Variants in ROR1 observed in about 807,000 individuals in gnomAD.
ROR1 encodes ROR family WNT receptor 1, also known as inactive tyrosine-protein kinase transmembrane receptor ROR1.
Under a neutral mutation model 78.8 loss-of-function variants are expected in ROR1, and 19 were observed. The ratio of observed to expected loss-of-function variants is 0.24; its 90% CI spans 0.17 to 0.35. ROR1 has a LOEUF of 0.35. ROR1 is among the 10% of genes least tolerant of loss of function. The pLI is 1.00. For synonymous variants in ROR1, 386 were observed against 433.6 expected, an observed-to-expected ratio of 0.89 and a Z score of 1.36; for missense variants, 917 against 1,177.8, an observed-to-expected ratio of 0.78 and a Z score of 3.24.
intron 2 of ROR1, among the ~76,000 whole-genome samples, chr1:64,016,449 A>G (rs1646521264): frequency 6.6e-6 from 1 of 152,058 alleles, no homozygotes; most frequent in African/African-American, 2.4e-5. Flanking sequence ...ATAGTACCTG[A>G]TCCCTTTTAA....
At chr1:64,152,317 G>A (rs1208032321) in intron 7 of ROR1, among the ~76,000 whole-genome samples, 1 of 152,068 alleles carries the variant, frequency 6.6e-6, no homozygotes, top group East Asian at 1.9e-4. Context: ...TCTCCTCTAG[G>A]TGTTTCCTAG....
chr1:63,986,740 T>A (rs1557596307), intron 1 of ROR1, among the ~76,000 whole-genome samples: 1 of 151,840 alleles, frequency 6.6e-6, no homozygotes, highest in Non-Finnish European at 1.5e-5. Flanking sequence ...CAGAAAATTT[T>A]TTTTTAATTA....
At chr1:64,028,163 T>G (rs949997634) in intron 2 of ROR1, among the ~76,000 whole-genome samples, 1 of 152,250 alleles carries the variant, frequency 6.6e-6, no homozygotes, top group African/African-American at 2.4e-5. Context: ...TTTCAGCATC[T>G]TCCTGTTTCT....
At chr1:63,951,047 C>T (rs1328482538) in intron 1 of ROR1, among the ~76,000 whole-genome samples, 2 of 152,130 alleles carry the variant, frequency 1.3e-5, no homozygotes, top group African/African-American at 4.8e-5. Flanking sequence ...ACTTTTCATC[C>T]TTTAGGAGCA....
At chr1:63,964,868 C>T (rs1032879664) in intron 1 of ROR1, among the ~76,000 whole-genome samples, 1 of 152,198 alleles carries the variant, frequency 6.6e-6, no homozygotes, top group Non-Finnish European at 1.5e-5. Flanking sequence ...CCTGAAGCTT[C>T]AGCAACTTTT....
chr1:64,141,906 C>T (rs1230510452), intron 6 of ROR1, among the ~76,000 whole-genome samples: 1 of 152,192 alleles, frequency 6.6e-6, no homozygotes, highest in South Asian at 2.1e-4. Context: ...TCAAGGGTGC[C>T]GACCCCATCA....
intron 1 of ROR1, among the ~76,000 whole-genome samples, chr1:63,829,261 A>G (rs906815390): frequency 6.6e-6 from 1 of 152,224 alleles, no homozygotes; most frequent in South Asian, 2.1e-4. Context: ...AAGCTCTTTT[A>G]TGCTATGTGT....
intron 1 of ROR1, among the ~76,000 whole-genome samples, chr1:63,840,367 C>T (rs1178845825): frequency 6.6e-6 from 1 of 151,064 alleles, no homozygotes; most frequent in African/African-American, 2.4e-5. Context: ...GCAACCTCTG[C>T]CTCCGGGGTT....
chr1:63,781,575 A>C (rs973969789), intron 1 of ROR1, among the ~76,000 whole-genome samples: 4 of 152,108 alleles, frequency 2.6e-5, no homozygotes, highest in African/African-American at 9.7e-5. Context: ...TTGTGGAAAA[A>C]ATGCTGTGGG....
chr1:63,972,961 A>G (rs1486749367), intron 1 of ROR1, among the ~76,000 whole-genome samples: 2 of 152,242 alleles, frequency 1.3e-5, no homozygotes, highest in Non-Finnish European at 2.9e-5. Context: ...CCTCCTTGAA[A>G]TGCTGAGGAT....
chr1:63,950,959 T>C (rs1645930282), intron 1 of ROR1, among the ~76,000 whole-genome samples: 1 of 152,176 alleles, frequency 6.6e-6, no homozygotes, highest in African/African-American at 2.4e-5. Context: ...CCAAAAACCT[T>C]CATCGAACAA....
chr1:63,944,536 A>T (rs1335715460), intron 1 of ROR1, among the ~76,000 whole-genome samples: 1 of 152,206 alleles, frequency 6.6e-6, no homozygotes, highest in Non-Finnish European at 1.5e-5. Context: ...CCTATGTCAA[A>T]TGGTTTGATT....
intron 1 of ROR1, among the ~76,000 whole-genome samples, chr1:63,923,197 T>C (rs1307828228): frequency 6.6e-6 from 1 of 152,174 alleles, no homozygotes; most frequent in African/African-American, 2.4e-5. Context: ...GCATTTAATA[T>C]ACCCACAGAG....
chr1:63,950,253 G>A (rs1645924140), intron 1 of ROR1, among the ~76,000 whole-genome samples: 1 of 152,200 alleles, frequency 6.6e-6, no homozygotes, highest in Non-Finnish European at 1.5e-5. Context: ...CCACTCCATA[G>A]GCAGAGCAGC....
At chr1:64,141,378 A>G (rs984091483) in intron 6 of ROR1, among the ~76,000 whole-genome samples, 16 of 152,154 alleles carry the variant, frequency 1.1e-4, no homozygotes, top group South Asian at 4.1e-4. Flanking sequence ...GAAGTGCCAC[A>G]TGCTTTTAAA....
chr1:64,122,807 T>C (rs994267055), intron 4 of ROR1, among the ~76,000 whole-genome samples: 12 of 152,212 alleles, frequency 7.9e-5, no homozygotes, highest in Admixed American at 7.9e-4. Context: ...ATCATTTTAG[T>C]TCTCTTCCCC....
chr1:64,048,347 CCATCATT>C (rs1337590019), intron 2 of ROR1, among the ~76,000 whole-genome samples: 1 of 152,200 alleles, frequency 6.6e-6, no homozygotes, highest in African/African-American at 2.4e-5. Context: ...TAGAACATTT[CCATCATT>C]GCAGAAAGTT....
chr1:63,983,778 G>A (rs1375940699), intron 1 of ROR1, among the ~76,000 whole-genome samples: 1 of 152,074 alleles, frequency 6.6e-6, no homozygotes, highest in African/African-American at 2.4e-5. Context: ...AACCTAACAG[G>A]CACAGATCTG....
intron 4 of ROR1, among the ~76,000 whole-genome samples, chr1:64,096,645 T>C (rs1011934617): frequency 6.6e-6 from 1 of 152,162 alleles, no homozygotes; most frequent in Non-Finnish European, 1.5e-5. Flanking sequence ...AGTCTATCAT[T>C]GATGGGTATT....
Sources: gnomAD v4.1 joint callset for allele counts (sites outside exome capture counted in the v4.1 genomes callset) on GRCh38, gnomAD v4.1.1 for gene constraint, MANE v1.5 for transcripts, NCBI Gene and HGNC (gene_info 2026-07-23, HGNC 2026-07-21) for gene names.